Variants in STOX2 observed in about 807,000 individuals in gnomAD.
STOX2 encodes the protein storkhead box 2.
STOX2 carries 28 observed loss-of-function variants against 60.9 expected under a neutral mutation model. The ratio of observed to expected loss-of-function variants is 0.46; its 90% CI spans 0.34 to 0.63. The LOEUF is 0.63. STOX2 is among the 30% of genes least tolerant of loss of function. STOX2 has a pLI of 0.01. For missense variants in STOX2, 1,024 were observed against 1,187.7 expected (o/e 0.86, Z 2.03); for synonymous variants, 472 against 463.9 (o/e 1.02, Z -0.22).
intron 1 of STOX2, among the ~76,000 whole-genome samples, chr4:183,984,854 G>A (rs1732782808): frequency 6.6e-6 from 1 of 152,140 alleles, no homozygotes. Flanking sequence ...TAAGAGGCAC[G>A]GGGCCAGGAG....
rs1439174315 is a variant in STOX2 at position 184,021,780 on chromosome 4, G to C, written c.*4496G>C. 6.6e-6 allele frequency: 1 copy of C among 152,202 alleles called. No homozygotes were observed. The highest frequency in any genetic ancestry group is 1.9e-4 in the East Asian group (1 of 5,202). 9.4% of individuals were successfully genotyped at this position (152,202 alleles called of 1,614,324 possible). A position where few individuals can be genotyped will look rare whatever the true frequency, so the allele number is the denominator to read the frequency against. On this transcript the variant is annotated 3_prime_UTR_variant, in exon 4 of 4. Transcript: ENST00000308497. ...CTTTGGAGGAGCTGGATTTCTGAGG[G>C]AGCTGATCCAGTTCTAAGTGTCTTC...
chr4:183,907,543 T>C (rs1741655788), intron 1 of STOX2, among the ~76,000 whole-genome samples: 1 of 152,336 alleles, frequency 6.6e-6, no homozygotes, highest in East Asian at 1.9e-4. Context: ...ATTTAACATA[T>C]GTTGCTTTGA....
At position 183,898,582 on chromosome 4, in the gene STOX2, T is replaced by A. The variant is rs868849656; in HGVS notation, c.364+100527T>A. Among the ~76,000 whole-genome samples the A allele has an allele frequency of 3.2e-3, 481 of 152,046 alleles. 6 individuals carry two copies. Among genetic ancestry groups the A allele is most frequent in the African/African-American group, 0.011 (458 of 41,442 alleles). ...AAGCGCTGAAATAAAGCAGTGAATG[T>A]TGTGGAAGGAACTGAGCTGATGAAA... On this transcript the variant is annotated intron_variant, in intron 1 of 2. Coordinates refer to the STOX2 transcript ENST00000513034.
At chr4:183,956,399 T>TC (rs2111154967) in intron 1 of STOX2, among the ~76,000 whole-genome samples, 1 of 143,904 alleles carries the variant, frequency 6.9e-6, no homozygotes, top group East Asian at 1.9e-4. Flanking sequence ...TATCTATCTA[T>TC]CTATCTATCA....
At chr4:184,000,444 C>G (rs940416657) in intron 1 of STOX2, among the ~76,000 whole-genome samples, 1 of 152,154 alleles carries the variant, frequency 6.6e-6, no homozygotes, top group African/African-American at 2.4e-5. Flanking sequence ...CTCCTCCCAG[C>G]CATCATCCCC....
chr4:183,991,487 G>A (rs1014815241), intron 1 of STOX2, among the ~76,000 whole-genome samples: 3 of 151,664 alleles, frequency 2.0e-5, no homozygotes, highest in African/African-American at 7.3e-5. Context: ...GAGTGCAATG[G>A]CACGGTCTTG....
chr4:183,940,378 CT>C (rs1742721227), intron 1 of STOX2, among the ~76,000 whole-genome samples: 1 of 152,242 alleles, frequency 6.6e-6, no homozygotes, highest in Non-Finnish European at 1.5e-5. Context: ...GTCCTAGCAA[CT>C]TCGTAGCAAT....
intron 1 of STOX2, among the ~76,000 whole-genome samples, chr4:183,896,322 G>T (rs943719668): frequency 1.3e-5 from 2 of 152,148 alleles, no homozygotes; most frequent in East Asian, 3.9e-4. Flanking sequence ...GCCATTCTCC[G>T]TGGCTCCGTG....
At chr4:183,809,817 C>T (rs916232214) in intron 1 of STOX2, among the ~76,000 whole-genome samples, 6 of 152,170 alleles carry the variant, frequency 3.9e-5, no homozygotes, top group Admixed American at 1.3e-4. Context: ...TCAACATTAC[C>T]GTTGTATCTT....
intron 2 of STOX2, among the ~76,000 whole-genome samples, chr4:184,008,495 TTC>T (rs1266677707): frequency 6.6e-6 from 1 of 151,450 alleles, no homozygotes; most frequent in Non-Finnish European, 1.5e-5. Flanking sequence ...AACCACCTTC[TTC>T]TTACTGACTG....
At chr4:183,882,308 T>A (rs1046268679) in intron 1 of STOX2, among the ~76,000 whole-genome samples, 1 of 152,216 alleles carries the variant, frequency 6.6e-6, no homozygotes, top group Admixed American at 6.5e-5. Context: ...TTACTCTGAA[T>A]ACACATTGAT....
chr4:183,955,408 C>T (rs1369113985), intron 1 of STOX2, among the ~76,000 whole-genome samples: 1 of 152,166 alleles, frequency 6.6e-6, no homozygotes, highest in African/African-American at 2.4e-5. Context: ...TTCCCCAGTG[C>T]TCATCAGAAG....
chr4:183,826,599 A>G (rs537362621), intron 1 of STOX2, among the ~76,000 whole-genome samples: 1 of 152,320 alleles, frequency 6.6e-6, no homozygotes, highest in Non-Finnish European at 1.5e-5. Flanking sequence ...TTGGTATCAC[A>G]CAGTCCTGGG....
At chr4:183,917,100 T>A (rs1316365424) in intron 1 of STOX2, among the ~76,000 whole-genome samples, 1 of 152,248 alleles carries the variant, frequency 6.6e-6, no homozygotes, top group Non-Finnish European at 1.5e-5. Context: ...GAGTGCCAGA[T>A]GTGTAGCAGG....
intron 1 of STOX2, among the ~76,000 whole-genome samples, chr4:183,871,566 C>T (rs1318645168): frequency 2.0e-5 from 3 of 152,296 alleles, no homozygotes; most frequent in South Asian, 4.1e-4. Context: ...GAGCCCTCAG[C>T]AGCACATAAT....
intron 1 of STOX2, among the ~76,000 whole-genome samples, chr4:183,849,281 T>C (rs996728558): frequency 6.0e-4 from 91 of 152,286 alleles, no homozygotes; most frequent in African/African-American, 2.2e-3. Context: ...ATTGAGACTT[T>C]AGGGTGGAAC....
chr4:183,928,819 C>CAA (rs372774067), intron 1 of STOX2, among the ~76,000 whole-genome samples: 26 of 144,650 alleles, frequency 1.8e-4, no homozygotes, highest in Middle Eastern at 3.5e-3. Context: ...AAAAAACAAA[C>CAA]AAAAAAAAAA....
At chr4:183,900,962 T>A (rs2111073377), upstream of STOX2, among the ~76,000 whole-genome samples, 1 of 152,132 alleles carries the variant, frequency 6.6e-6, no homozygotes, top group East Asian at 1.9e-4. Context: ...AATACATATA[T>A]AACATTATGC....
intron 1 of STOX2, among the ~76,000 whole-genome samples, chr4:183,818,795 G>C (rs1739222078): frequency 6.6e-6 from 1 of 152,084 alleles, no homozygotes; most frequent in East Asian, 1.9e-4. Context: ...AGACGGGGTG[G>C]CTGCCGGGCG....
Sources: allele counts gnomAD v4.1 joint callset (sites outside exome capture counted in the v4.1 genomes callset), GRCh38; gene constraint gnomAD v4.1.1; transcripts MANE v1.5; gene names NCBI Gene and HGNC (gene_info 2026-07-23, HGNC 2026-07-21).